COQ10B: variants seen among roughly 807,000 people sequenced by gnomAD.
The protein encoded by COQ10B is coenzyme Q-binding protein COQ10 homolog B, mitochondrial.
Under a neutral mutation model 27.6 loss-of-function variants are expected in COQ10B, and 12 were observed. The observed-to-expected ratio is 0.43, with a 90% CI of 0.28 to 0.70. The LOEUF (loss-of-function observed/expected upper bound fraction) is 0.70. Ranked by LOEUF, COQ10B falls within the 30% of genes least tolerant of loss-of-function variation. The probability of loss-of-function intolerance (pLI) is 0.17; values close to 1 mark genes in which losing one functional copy is unlikely to be tolerated. For missense variants in COQ10B, 278 were observed against 288.7 expected (o/e 0.96, Z 0.27); for synonymous variants, 115 against 103.0 (o/e 1.12, Z -0.71).
rs758003597 is a variant in COQ10B at position 197,465,790 on chromosome 2, AAAAC to A, written c.447+3069_447+3072del. Among the ~76,000 whole-genome samples, 12 of 152,222 alleles carry A rather than the reference AAAAC, an allele frequency of 7.9e-5. No homozygotes were observed. The East Asian group carries it at 2.1e-3, about 27-fold the overall frequency. On this transcript the variant is annotated intron_variant, in intron 3 of 4. Transcript: ENST00000263960. The stretch of plus-strand genomic sequence containing the variant: ...ATAGCAAGTAAGACTCCATCTCTAA[AAAAC>A]AAACAAACAGGCTGGATGTGGTGGC...
At chr2:197,464,053 G>GTATATA (rs530445633) in intron 3 of COQ10B, among the ~76,000 whole-genome samples, 1 of 79,012 alleles carries the variant, frequency 1.3e-5, no homozygotes, top group Non-Finnish European at 2.4e-5. Flanking sequence ...ATATATATAC[G>GTATATA]TATATATATA....
At chr2:197,468,922 G>A (rs1029595667) in intron 3 of COQ10B, among the ~76,000 whole-genome samples, 35 of 152,268 alleles carry the variant, frequency 2.3e-4, no homozygotes, top group African/African-American at 4.6e-4. Context: ...GGGTCATAAC[G>A]AGCATAATCA....
intron 1 of COQ10B, among the ~76,000 whole-genome samples, chr2:197,458,736 G>A (rs1421235319): frequency 1.4e-5 from 2 of 146,262 alleles, no homozygotes; most frequent in African/African-American, 5.1e-5. Flanking sequence ...GCTAGAGTGT[G>A]GTTGCACAAC....
intron 2 of COQ10B, 39 bp from the exon 3 acceptor site, chr2:197,462,500 A>G: frequency 9.6e-7 from 1 of 1,039,538 alleles, no homozygotes; most frequent in Non-Finnish European, 1.4e-6. Flanking sequence ...ATATAACTAG[A>G]TGGAGTTAAC....
At chr2:197,467,407 C>T (rs1192126899) in intron 3 of COQ10B, among the ~76,000 whole-genome samples, 2 of 151,950 alleles carry the variant, frequency 1.3e-5, no homozygotes, top group South Asian at 2.1e-4. Flanking sequence ...GATGGAGTTT[C>T]GCTCTTGTTT....
intron 2 of COQ10B, among the ~76,000 whole-genome samples, chr2:197,461,303 C>G (rs2085754981): frequency 6.6e-6 from 1 of 152,012 alleles, no homozygotes; most frequent in Non-Finnish European, 1.5e-5. Context: ...TCTGTAATTA[C>G]TTAGTCTTCA....
At chr2:197,461,559 C>CGGTG (rs1393902351) in intron 2 of COQ10B, among the ~76,000 whole-genome samples, 1 of 139,760 alleles carries the variant, frequency 7.2e-6, no homozygotes, top group South Asian at 2.3e-4. Context: ...CTGATTTAGT[C>CGGTG]TGTGTGTGTG....
chr2:197,470,979 T>C (rs1390663207), intron 4 of COQ10B, among the ~76,000 whole-genome samples: 3 of 152,160 alleles, frequency 2.0e-5, no homozygotes, highest in South Asian at 2.1e-4. Context: ...GACGAGCAGA[T>C]CACTTGAGTC....
chr2:197,459,333 A>C (rs894114945), intron 1 of COQ10B, among the ~76,000 whole-genome samples: 1 of 152,096 alleles, frequency 6.6e-6, no homozygotes, highest in Non-Finnish European at 1.5e-5. Flanking sequence ...TGGCCGGCTA[A>C]TTTTTAAATT....
chr2:197,473,507 C>T (rs1427466556), intron 4 of COQ10B, among the ~76,000 whole-genome samples: 10 of 122,738 alleles, frequency 8.1e-5, no homozygotes, highest in Admixed American at 2.8e-4. Context: ...TATATATATA[C>T]GTATATATAT....
chr2:197,456,424 G>A (rs913789132), intron 1 of COQ10B, among the ~76,000 whole-genome samples: 18 of 146,888 alleles, frequency 1.2e-4, no homozygotes, highest in Non-Finnish European at 2.1e-4. Context: ...AGATAGCACC[G>A]CTGCACTCCA....
At chr2:197,471,982 G>T (rs1319672876) in intron 4 of COQ10B, among the ~76,000 whole-genome samples, 1 of 151,252 alleles carries the variant, frequency 6.6e-6, no homozygotes, top group Non-Finnish European at 1.5e-5. Context: ...TTTGAATAAG[G>T]TCTATATAAA....
chr2:197,473,448 A>T (rs1166819322), intron 4 of COQ10B, among the ~76,000 whole-genome samples: 1 of 109,682 alleles, frequency 9.1e-6, no homozygotes, highest in Non-Finnish European at 1.9e-5. Flanking sequence ...ATATACACAT[A>T]TATACATATA....
At chr2:197,469,505 T>G (rs1472967080) in intron 3 of COQ10B, among the ~76,000 whole-genome samples, 1 of 152,080 alleles carries the variant, frequency 6.6e-6, no homozygotes. Flanking sequence ...AAGAAATGGA[T>G]CAGGGCTAAG....
At chr2:197,465,903 C>T (rs2106053522) in intron 3 of COQ10B, among the ~76,000 whole-genome samples, 1 of 152,178 alleles carries the variant, frequency 6.6e-6, no homozygotes, top group South Asian at 2.1e-4. Context: ...ACCAGCCTGG[C>T]CAACACGGTG....
chr2:197,470,206 A>G, intron 4 of COQ10B, 35 bp downstream of exon 4: 1 of 1,247,744 alleles, frequency 8.0e-7, no homozygotes, highest in South Asian at 1.3e-5. Context: ...TGTTCCACTT[A>G]TGAGGTAAAA....
In COQ10B at chr2:197,462,647, T is replaced by G; in HGVS notation, c.363T>G (p.Cys121Trp). ...SDVISKRSGYCKTRLEIGFPP... is the reference protein window; with the variant it reads ...SDVISKRSGYWKTRLEIGFPP... ...TTATATCAAAGAGATCTGGATATTG[T>G]AAAACAAGATTAGAAATTGGATTTC... Residue 121 changes from cysteine (C) to tryptophan (W), a missense_variant, in exon 3 of 5, where the codon TGT (cysteine) becomes TGG (tryptophan). Cys to Trp is a radical substitution (Grantham distance 215). This residue lies in a region of COQ10B where 183 missense variants were observed against 158.2 expected (regional missense o/e 1.16). Transcript: ENST00000263960. 6.2e-7 allele frequency: 1 copy of G among 1,603,228 alleles called. No homozygotes were observed. Among genetic ancestry groups the G allele is most frequent in the Non-Finnish European group, 8.5e-7 (1 of 1,174,452 alleles).
rs910417220 is a variant in COQ10B at position 197,453,677 on chromosome 2, G to A, written c.104+13G>A. On this transcript the variant is annotated intron_variant, in intron 1 of 4. Coordinates refer to ENST00000263960, the MANE Select transcript of COQ10B (RefSeq NM_025147.5). Reference sequence around the variant, plus strand: ...TGCGGAATGGCAGGTAATCAACAGCGGGGGCGCTGAGACGAGAGTAGTTTT... The same window carrying A: ...TGCGGAATGGCAGGTAATCAACAGCAGGGGCGCTGAGACGAGAGTAGTTTT... 6.2e-6 allele frequency: 10 copies of A among 1,606,584 alleles called. No individual in the cohort carries two copies. The highest frequency in any genetic ancestry group is 1.3e-5 in the African/African-American group (1 of 74,940).
intron 4 of COQ10B, among the ~76,000 whole-genome samples, chr2:197,473,395 C>G (rs1270397206): frequency 4.2e-5 from 5 of 119,466 alleles, no homozygotes; most frequent in Admixed American, 1.8e-4. Context: ...CTCTACGCCC[C>G]CCCCCACAAA....
Sources: gnomAD v4.1 joint callset for allele counts (sites outside exome capture counted in the v4.1 genomes callset) on GRCh38, gnomAD v4.1.1 for gene constraint, gnomAD v4.1.1 regional missense constraint, MANE v1.5 for transcripts, NCBI Gene and HGNC (gene_info 2026-07-23, HGNC 2026-07-21) for gene names.